FAM171A1: variants seen among roughly 807,000 people sequenced by gnomAD.
FAM171A1 encodes the protein family with sequence similarity 171 member A1, also known as protein FAM171A1.
In FAM171A1, 23 loss-of-function variants were observed where a neutral mutation model predicts 74.9. That is an observed-to-expected ratio of 0.31 (90% CI 0.22 to 0.44). The LOEUF is 0.44. Among genes scored for constraint, FAM171A1 ranks in the 20% least tolerant of loss-of-function variants. FAM171A1 has a pLI of 1.00. For missense variants in FAM171A1, 1,162 were observed against 1,159.2 expected, an observed-to-expected ratio of 1.00 and a Z score of -0.03; for synonymous variants, 527 against 505.7, an observed-to-expected ratio of 1.04 and a Z score of -0.57.
chr10:15,303,985 C>T (rs1043167742), intron 1 of FAM171A1, among the ~76,000 whole-genome samples: 1 of 152,242 alleles, frequency 6.6e-6, no homozygotes, highest in Non-Finnish European at 1.5e-5. Flanking sequence ...CACAGGCATG[C>T]AGGGACAGGA....
chr10:15,332,433 T>C (rs1299121691), intron 1 of FAM171A1, among the ~76,000 whole-genome samples: 3 of 152,226 alleles, frequency 2.0e-5, no homozygotes, highest in Non-Finnish European at 4.4e-5. Context: ...TCTATACTTC[T>C]CAATGCTGCA....
At chr10:15,295,313 C>T (rs1835148980) in intron 1 of FAM171A1, among the ~76,000 whole-genome samples, 1 of 152,162 alleles carries the variant, frequency 6.6e-6, no homozygotes, top group Non-Finnish European at 1.5e-5. Context: ...CGATAGGATG[C>T]ATTTAGTTTA....
rs546834115 is a variant in FAM171A1, at chr10:15,298,376, C to T, written c.98-14271G>A. ...TTCAAACTCCTGACCTCAGGTGATC[C>T]GCCTGCCTCGGCCTCCCAAAGTGCT... On this transcript the variant is annotated intron_variant, in intron 1 of 7. Coordinates refer to ENST00000378116, the MANE Select transcript of FAM171A1 (RefSeq NM_001010924.2). Among the ~76,000 whole-genome samples, 18 of 152,226 alleles carry T rather than the reference C, an allele frequency of 1.2e-4. No individual in the cohort carries two copies. The South Asian group carries it at 2.1e-3, about 18-fold the overall frequency.
intron 1 of FAM171A1, among the ~76,000 whole-genome samples, chr10:15,325,863 A>T (rs1453977117): frequency 6.6e-6 from 1 of 152,184 alleles, no homozygotes; most frequent in African/African-American, 2.4e-5. Context: ...CATAGGAAGT[A>T]AAAAGAAAGG....
At chr10:15,351,579 G>GGATGGATGGATGGATGGATA (rs1835878019) in intron 1 of FAM171A1, among the ~76,000 whole-genome samples, 1 of 150,696 alleles carries the variant, frequency 6.6e-6, no homozygotes, top group East Asian at 2.0e-4. Context: ...ATGGATGGAT[G>GGATGGATGGATGGATGGATA]GATGGATGGA....
chr10:15,343,851 C>T (rs1334296106), intron 1 of FAM171A1, among the ~76,000 whole-genome samples: 1 of 152,182 alleles, frequency 6.6e-6, no homozygotes, highest in Non-Finnish European at 1.5e-5. Flanking sequence ...GATAATGTCC[C>T]AGGCTTGGGC....
rs991081087 is a variant in FAM171A1, at chr10:15,289,858, T to G, written c.98-5753A>C. 3.3e-5 allele frequency among the ~76,000 whole-genome samples: 5 copies of G among 152,232 alleles called. No homozygotes were observed. The East Asian group carries it at 7.7e-4, about 23-fold the overall frequency. ...GCCCCATCATTTGCATGGGCTGGTT[T>G]TGCATTACAACAGCAGACTTTAGAA... On this transcript the variant is annotated intron_variant, in intron 1 of 7. Transcript: ENST00000378116.
rs966557009 is a variant in FAM171A1 at position 15,214,601 on chromosome 10, C to A, written c.987G>T (p.Arg329Ser). 11 of 1,578,466 alleles carry A rather than the reference C, an allele frequency of 7.0e-6. No individual in the cohort carries two copies. The highest frequency in any genetic ancestry group is 1.2e-5 in the South Asian group (1 of 86,006). ...VLLCLLLYYCRRKCLKPRQHH... is the reference protein window; with the variant it reads ...VLLCLLLYYCSRKCLKPRQHH... ...GCTGACGAGGTTTCAAGCACTTCCTCCTGCGCCCAAAGACACAATCCAAAG... is the reference window on the plus strand; with the variant it reads ...GCTGACGAGGTTTCAAGCACTTCCTACTGCGCCCAAAGACACAATCCAAAG... The change falls in exon 8 of 8, where the codon AGG becomes AGT. Residue 329 changes from arginine to serine, a missense_variant and splice_region_variant. Transcript: ENST00000378116.
At chr10:15,340,391 A>G (rs1835751827) in intron 1 of FAM171A1, among the ~76,000 whole-genome samples, 1 of 152,192 alleles carries the variant, frequency 6.6e-6, no homozygotes, top group Admixed American at 6.5e-5. Context: ...GGCTTTGCTC[A>G]CACACTGGTA....
chr10:15,367,906 TG>T (rs1329827581), intron 1 of FAM171A1, among the ~76,000 whole-genome samples: 1 of 152,224 alleles, frequency 6.6e-6, no homozygotes, highest in Non-Finnish European at 1.5e-5. Context: ...ATAAGAGTGC[TG>T]GGCTTCAAAA....
intron 1 of FAM171A1, among the ~76,000 whole-genome samples, chr10:15,369,055 C>A (rs540769583): frequency 2.6e-5 from 4 of 152,234 alleles, no homozygotes; most frequent in East Asian, 3.9e-4. Context: ...TCCAACCATA[C>A]CCTAAACTAA....
Position 15,213,603 on chromosome 10 carries a change from G to A in FAM171A1, c.1985C>T (p.Ser662Phe). 1.2e-6 allele frequency: 2 copies of A among 1,614,164 alleles called. No homozygotes were observed. Among genetic ancestry groups the A allele is most frequent in the South Asian group, 1.1e-5 (1 of 91,086 alleles). The change falls in exon 8 of 8, where the codon TCC becomes TTC. Residue 662 changes from serine to phenylalanine, a missense_variant. Transcript: ENST00000378116. The surrounding 1 kb of genome is among the most constrained non-coding windows in gnomAD (Gnocchi z 6.8). ...GTREWSPQNA[S>F]MSESLSIPAS... ...TGGGATGGAGAGAGACTCCGACATG[G>A]ATGCGTTCTGAGGGCTCCACTCCCG... is the stretch of plus-strand genomic sequence containing the variant.
chr10:15,225,603 G>A (rs554381088), intron 5 of FAM171A1, among the ~76,000 whole-genome samples: 9 of 152,290 alleles, frequency 5.9e-5, no homozygotes, highest in Middle Eastern at 3.4e-3. Context: ...CCGGAGCAGC[G>A]GGCACCAGGG....
At chr10:15,307,265 C>T (rs10752363) in intron 1 of FAM171A1, among the ~76,000 whole-genome samples, 48,762 of 151,974 alleles carry the variant, frequency 0.32, 9,313 homozygotes, top group East Asian at 0.78. Context: ...AACCTGCAAC[C>T]CTGACACGAC....
chr10:15,363,940 G>C (rs550736041), intron 1 of FAM171A1, among the ~76,000 whole-genome samples: 1 of 151,780 alleles, frequency 6.6e-6, no homozygotes, highest in Non-Finnish European at 1.5e-5. Flanking sequence ...ATGGCCCTGG[G>C]CCCTGGAGCT....
intron 5 of FAM171A1, among the ~76,000 whole-genome samples, chr10:15,246,433 T>C (rs1834436021): frequency 6.6e-6 from 1 of 152,260 alleles, no homozygotes; most frequent in South Asian, 2.1e-4. Context: ...AGGAATTAGA[T>C]ATCTTTGAAA....
chr10:15,313,731 T>TCCCACGGTGAATAATGCCATTCA (rs1835390753), intron 1 of FAM171A1, among the ~76,000 whole-genome samples: 1 of 152,170 alleles, frequency 6.6e-6, no homozygotes, highest in Non-Finnish European at 1.5e-5. Flanking sequence ...GAAAACAGCT[T>TCCCACGGTGAATAATGCCATTCA]CCCACGGTGA....
chr10:15,229,216 G>A (rs1454431141), intron 5 of FAM171A1, among the ~76,000 whole-genome samples: 1 of 152,174 alleles, frequency 6.6e-6, no homozygotes, highest in Admixed American at 6.5e-5. Flanking sequence ...CACTTGTGCT[G>A]GTGCAGGCAT....
intron 5 of FAM171A1, among the ~76,000 whole-genome samples, chr10:15,231,701 T>A (rs913733246): frequency 6.6e-6 from 1 of 152,110 alleles, no homozygotes; most frequent in Non-Finnish European, 1.5e-5. Context: ...AGGTGGCCAG[T>A]GCTTGAAGCA....
Sources: allele counts gnomAD v4.1 joint callset (sites outside exome capture counted in the v4.1 genomes callset), GRCh38; gene constraint gnomAD v4.1.1; non-coding constraint Gnocchi (gnomAD v3.1); transcripts MANE v1.5; gene names NCBI Gene and HGNC (gene_info 2026-07-23, HGNC 2026-07-21).